Variants in SPIDR observed in about 807,000 individuals in gnomAD.
SPIDR encodes the protein DNA repair-scaffolding protein.
SPIDR carries 93 observed loss-of-function variants against 104.6 expected under a neutral mutation model. The observed-to-expected ratio is 0.89, with a 90% confidence interval of 0.75 to 1.06. SPIDR has a LOEUF of 1.06. Ranked by LOEUF, SPIDR falls within the 50% of genes least tolerant of loss-of-function variation. The pLI, the probability that SPIDR is intolerant of heterozygous loss-of-function variation, is 0.00. For synonymous variants in SPIDR, 431 were observed against 416.9 expected, an observed-to-expected ratio of 1.03 and a Z score of -0.41; for missense variants, 1,154 against 1,111.2, an observed-to-expected ratio of 1.04 and a Z score of -0.55.
At chr8:47,446,556 C>G (rs2070657950) in intron 8 of SPIDR, among the ~76,000 whole-genome samples, 1 of 148,524 alleles carries the variant, frequency 6.7e-6, no homozygotes, top group Admixed American at 6.7e-5. Context: ...TCAAGTCTTG[C>G]TTTTAACTGC....
At chr8:47,549,953 A>G (rs896336432) in intron 8 of SPIDR, among the ~76,000 whole-genome samples, 10 of 152,172 alleles carry the variant, frequency 6.6e-5, no homozygotes, top group South Asian at 2.1e-4. Context: ...TAAGGTGTAA[A>G]GAAGGGATCC....
chr8:47,453,138 G>A (rs1302323220), intron 8 of SPIDR, among the ~76,000 whole-genome samples: 2 of 152,068 alleles, frequency 1.3e-5, no homozygotes, highest in African/African-American at 4.8e-5. Context: ...TGAAATACCT[G>A]GGAATCCAAC....
chr8:47,587,354 C>G (rs1361188897), intron 8 of SPIDR, among the ~76,000 whole-genome samples: 1 of 151,934 alleles, frequency 6.6e-6, no homozygotes, highest in Non-Finnish European at 1.5e-5. Context: ...GCACAGGGGC[C>G]TATTTCTGGG....
intron 11 of SPIDR, among the ~76,000 whole-genome samples, chr8:47,674,823 A>G (rs2076217692): frequency 1.3e-5 from 2 of 152,286 alleles, no homozygotes; most frequent in East Asian, 1.9e-4. Flanking sequence ...CTCAGTAGGC[A>G]TTTAGCTCTC....
At chr8:47,437,089 T>C (rs868960832) in intron 7 of SPIDR, among the ~76,000 whole-genome samples, 1 of 152,232 alleles carries the variant, frequency 6.6e-6, no homozygotes, top group African/African-American at 2.4e-5. Context: ...TCAAGATTTA[T>C]CATAGAAATC....
At chr8:47,712,291 C>G (rs376585445) in intron 14 of SPIDR, among the ~76,000 whole-genome samples, 1 of 152,148 alleles carries the variant, frequency 6.6e-6, no homozygotes, top group Non-Finnish European at 1.5e-5. Context: ...AGGAAACTTA[C>G]AACTGGCTGG....
intron 8 of SPIDR, among the ~76,000 whole-genome samples, chr8:47,520,636 T>C (rs1333797339): frequency 2.0e-5 from 3 of 152,224 alleles, no homozygotes; most frequent in African/African-American, 4.8e-5. Context: ...TATTTAATGC[T>C]TTGTGTAGGC....
intron 7 of SPIDR, 25 bp from the exon 8 acceptor site, chr8:47,440,298 C>T (rs1563978769): frequency 4.4e-6 from 7 of 1,599,222 alleles, no homozygotes; most frequent in Non-Finnish European, 6.0e-6. Context: ...TTCATTTTTG[C>T]TTTGTTCTTT....
At chr8:47,528,710 TAGTG>T (rs1268223460) in intron 8 of SPIDR, among the ~76,000 whole-genome samples, 2 of 151,580 alleles carry the variant, frequency 1.3e-5, no homozygotes, top group Non-Finnish European at 2.9e-5. Flanking sequence ...CTGAAAGAAT[TAGTG>T]AGCTTGAAGA....
chr8:47,706,374 CAG>C (rs948433862), intron 14 of SPIDR, among the ~76,000 whole-genome samples: 91 of 152,296 alleles, frequency 6.0e-4, no homozygotes, highest in African/African-American at 2.1e-3. Context: ...GCCTGGGCGA[CAG>C]AGTGAGACTC....
intron 5 of SPIDR, among the ~76,000 whole-genome samples, chr8:47,311,893 C>T (rs925733272): frequency 1.3e-5 from 2 of 152,108 alleles, no homozygotes; most frequent in Non-Finnish European, 2.9e-5. Context: ...CAACAGTCCC[C>T]GGAGTGTGAT....
At chr8:47,419,533 T>C (rs1255649924) in intron 7 of SPIDR, among the ~76,000 whole-genome samples, 3 of 152,118 alleles carry the variant, frequency 2.0e-5, no homozygotes, top group Non-Finnish European at 4.4e-5. Context: ...GTCTTGCTAG[T>C]AGTCTATCAA....
chr8:47,343,813 C>T (rs900538742), intron 5 of SPIDR, among the ~76,000 whole-genome samples: 1 of 151,974 alleles, frequency 6.6e-6, no homozygotes, highest in African/African-American at 2.4e-5. Context: ...CTTAAGAATA[C>T]AGGGAGGATC....
chr8:47,354,056 G>A (rs1196544965), intron 5 of SPIDR, among the ~76,000 whole-genome samples: 3 of 151,962 alleles, frequency 2.0e-5, no homozygotes, highest in African/African-American at 7.3e-5. Flanking sequence ...GCCTGATTTG[G>A]TGAAATAACA....
rs548836409 is a variant in SPIDR, at chr8:47,368,051, A to G, written c.526-28325A>G. Among the ~76,000 whole-genome samples the G allele has an allele frequency of 2.6e-5, 4 of 152,270 alleles. No individual in the cohort carries two copies. The East Asian group carries it at 7.7e-4, about 29-fold the overall frequency. The stretch of plus-strand genomic sequence containing the variant: ...CTGGGAAGTCCAAGGTCAGGGTGTC[A>G]GCAGATTTGGTGTCTGGTGAGGGCA... On this transcript the variant is annotated intron_variant, in intron 5 of 19. Coordinates refer to ENST00000297423, the MANE Select transcript of SPIDR (RefSeq NM_001080394.4).
In SPIDR at chr8:47,598,944, A is replaced by G; in HGVS notation, c.1294-2A>G. ...ACTGTTCCCTTTATGTGTCTTGGCC[A>G]GGTTGTGTGTAGTGGTGTAGCCACT... On this transcript the variant is annotated splice_acceptor_variant, in intron 9 of 19. Transcript: ENST00000297423. LOFTEE classifies it high-confidence loss of function. 6.2e-7 allele frequency: 1 copy of G among 1,613,944 alleles called. No individual in the cohort carries two copies. The highest frequency in any genetic ancestry group is 8.5e-7 in the Non-Finnish European group (1 of 1,179,954).
chr8:47,417,353 C>T (rs201445507), intron 7 of SPIDR, among the ~76,000 whole-genome samples: 65 of 152,184 alleles, frequency 4.3e-4, no homozygotes, highest in East Asian at 3.3e-3. Context: ...ATTGTGGTTT[C>T]GATTTGCATT....
chr8:47,360,070 A>G (rs1427726558), intron 5 of SPIDR, among the ~76,000 whole-genome samples: 5 of 151,888 alleles, frequency 3.3e-5, no homozygotes, highest in Non-Finnish European at 5.9e-5. Flanking sequence ...ATGAAAGCCC[A>G]TCTCTACTAA....
chr8:47,565,226 A>G (rs1192512467), intron 8 of SPIDR, among the ~76,000 whole-genome samples: 1 of 152,202 alleles, frequency 6.6e-6, no homozygotes, highest in Non-Finnish European at 1.5e-5. Flanking sequence ...AGCCTGGACA[A>G]GAAGGGTGAA....
Sources: allele counts gnomAD v4.1 joint callset (sites outside exome capture counted in the v4.1 genomes callset), GRCh38; gene constraint gnomAD v4.1.1; transcripts MANE v1.5; gene names NCBI Gene and HGNC (gene_info 2026-07-23, HGNC 2026-07-21).